Variants in ENOX1 observed in about 807,000 individuals in gnomAD.
ENOX1 encodes the protein ecto-NOX disulfide-thiol exchanger 1, also known as candidate growth-related and time keeping constitutive hydroquinone (NADH) oxidase.
Under a neutral mutation model 82.5 loss-of-function variants are expected in ENOX1, and 42 were observed. That is an observed-to-expected ratio of 0.51 (90% confidence interval 0.40 to 0.66). ENOX1 has a LOEUF of 0.66. Ranked by LOEUF, ENOX1 falls within the 30% of genes least tolerant of loss-of-function variation. ENOX1 has a pLI of 0.00. For synonymous variants in ENOX1, 271 were observed against 282.2 expected (o/e 0.96, Z 0.40); for missense variants, 608 against 811.6 (o/e 0.75, Z 3.05).
chr13:43,423,866 C>T (rs934208424), intron 3 of ENOX1, among the ~76,000 whole-genome samples: 1 of 152,198 alleles, frequency 6.6e-6, no homozygotes, highest in African/African-American at 2.4e-5. Context: ...GTTCTTTTCA[C>T]ATTCACATTC....
chr13:43,248,044 C>A (rs1226406573), intron 14 of ENOX1, among the ~76,000 whole-genome samples: 2 of 148,952 alleles, frequency 1.3e-5, no homozygotes, highest in African/African-American at 2.5e-5. Flanking sequence ...CGCCACTACG[C>A]CTGTCTAATT....
intron 2 of ENOX1, among the ~76,000 whole-genome samples, chr13:43,495,274 T>C (rs1282875056): frequency 2.0e-5 from 3 of 152,234 alleles, no homozygotes; most frequent in East Asian, 3.9e-4. Context: ...CCAAGTAACC[T>C]ACACACAAGT....
At chr13:43,218,228 T>C (rs980562807) in intron 16 of ENOX1, among the ~76,000 whole-genome samples, 2 of 152,232 alleles carry the variant, frequency 1.3e-5, no homozygotes, top group Admixed American at 1.3e-4. Flanking sequence ...TAGTGTAAGA[T>C]ATAACAGCTG....
chr13:43,728,241 T>C (rs1037315233), intron 1 of ENOX1, among the ~76,000 whole-genome samples: 1 of 152,214 alleles, frequency 6.6e-6, no homozygotes, highest in Non-Finnish European at 1.5e-5. Context: ...TGAACAGTCC[T>C]TGGAGTAAAA....
At chr13:43,517,388 T>C (rs2077594723) in intron 2 of ENOX1, among the ~76,000 whole-genome samples, 2 of 151,960 alleles carry the variant, frequency 1.3e-5, no homozygotes, top group Non-Finnish European at 2.9e-5. Flanking sequence ...ACCCCAGCTA[T>C]TTGGGAAGCT....
At chr13:43,387,682 A>G (rs1404022353) in intron 5 of ENOX1, among the ~76,000 whole-genome samples, 1 of 152,140 alleles carries the variant, frequency 6.6e-6, no homozygotes, top group Non-Finnish European at 1.5e-5. Flanking sequence ...AGATATATAA[A>G]CATACACATG....
chr13:43,451,478 C>A (rs1311607245), intron 3 of ENOX1, among the ~76,000 whole-genome samples: 1 of 152,056 alleles, frequency 6.6e-6, no homozygotes, highest in Non-Finnish European at 1.5e-5. Flanking sequence ...CAATAGTGGC[C>A]CATTTACAAC....
intron 2 of ENOX1, among the ~76,000 whole-genome samples, chr13:43,518,030 A>G (rs1274720202): frequency 6.6e-6 from 1 of 152,146 alleles, no homozygotes. Context: ...CCAACAGTCA[A>G]AGAATGTACT....
chr13:43,562,607 A>G (rs963082193), intron 2 of ENOX1, among the ~76,000 whole-genome samples: 4 of 152,096 alleles, frequency 2.6e-5, no homozygotes, highest in African/African-American at 9.7e-5. Flanking sequence ...ACAAAACTAA[A>G]CTAAACAAAA....
chr13:43,403,276 T>A (rs1164090788), intron 5 of ENOX1, among the ~76,000 whole-genome samples: 1 of 152,012 alleles, frequency 6.6e-6, no homozygotes, highest in South Asian at 2.1e-4. Flanking sequence ...GATGAAAAAA[T>A]TTTTATATTA....
rs185521349 is a variant in ENOX1, at chr13:43,611,058, C to T, written c.-219+56421G>A. 9.9e-5 allele frequency among the ~76,000 whole-genome samples: 15 copies of T among 152,278 alleles called. No homozygotes were observed. The East Asian group carries it at 2.5e-3, about 25-fold the overall frequency. ...AATAAAGATAGTTCAATAATGGCAG[C>T]AACTCTTACTGTTATCTCCCTCCTA... On this transcript the variant is annotated intron_variant, in intron 2 of 16. Coordinates refer to ENST00000690772, the MANE Select transcript of ENOX1 (RefSeq NM_001347969.2).
At chr13:43,498,024 C>T (rs997440901) in intron 2 of ENOX1, among the ~76,000 whole-genome samples, 1 of 151,910 alleles carries the variant, frequency 6.6e-6, no homozygotes, top group Non-Finnish European at 1.5e-5. Flanking sequence ...CTTCTCATAC[C>T]CTATAATAAT....
chr13:43,475,569 T>A (rs2058243552), intron 3 of ENOX1, among the ~76,000 whole-genome samples: 1 of 152,126 alleles, frequency 6.6e-6, no homozygotes, highest in Admixed American at 6.5e-5. Context: ...TATTAATTAA[T>A]CTTTTCATAA....
chr13:43,373,657 C>T (rs953606980), intron 5 of ENOX1, among the ~76,000 whole-genome samples: 1 of 152,142 alleles, frequency 6.6e-6, no homozygotes, highest in Non-Finnish European at 1.5e-5. Flanking sequence ...CAGCACCAGA[C>T]TTTTAAAAAT....
chr13:43,215,170 T>A (rs1006191261), intron 16 of ENOX1, among the ~76,000 whole-genome samples: 2 of 152,194 alleles, frequency 1.3e-5, no homozygotes, highest in Non-Finnish European at 2.9e-5. Flanking sequence ...ATATTAGGAT[T>A]CATTTAAAAG....
At chr13:43,724,462 T>C (rs367712478) in intron 1 of ENOX1, among the ~76,000 whole-genome samples, 2 of 152,236 alleles carry the variant, frequency 1.3e-5, no homozygotes, top group African/African-American at 4.8e-5. Context: ...CTAGCACCTA[T>C]GCATCCCTCA....
At chr13:43,276,576 G>C (rs1251291229) in intron 12 of ENOX1, among the ~76,000 whole-genome samples, 2 of 152,180 alleles carry the variant, frequency 1.3e-5, no homozygotes, top group Non-Finnish European at 2.9e-5. Flanking sequence ...GAACTCTTTA[G>C]GAATGTCAGC....
At chr13:43,385,822 C>T (rs1407777) in intron 5 of ENOX1, among the ~76,000 whole-genome samples, 145,470 of 152,322 alleles carry the variant, frequency 0.96, 69,837 homozygotes, top group East Asian at 1. Flanking sequence ...AATTTTTGCT[C>T]ATTTATACCT....
intron 5 of ENOX1, among the ~76,000 whole-genome samples, chr13:43,363,040 A>G (rs1010552041): frequency 6.6e-6 from 1 of 152,134 alleles, no homozygotes; most frequent in African/African-American, 2.4e-5. Context: ...TTCATCTGTA[A>G]TATGGTACTG....
Sources: allele counts gnomAD v4.1 joint callset (sites outside exome capture counted in the v4.1 genomes callset), GRCh38; gene constraint gnomAD v4.1.1; transcripts MANE v1.5; gene names NCBI Gene and HGNC (gene_info 2026-07-23, HGNC 2026-07-21).